P2RY14: variants seen among roughly 807,000 people sequenced by gnomAD.
The protein encoded by P2RY14 is P2Y purinoceptor 14.
A neutral mutation model predicts 0.9 loss-of-function variants in P2RY14; 2 were observed. The ratio of observed to expected loss-of-function variants is 2.16; its 90% CI spans 0.88 to 6.79. P2RY14 has a LOEUF of 6.79. P2RY14 is among the 30% of genes most tolerant of loss of function. The probability of loss-of-function intolerance (pLI) is 0.05; values close to 1 mark genes in which losing one functional copy is unlikely to be tolerated. For synonymous variants in P2RY14, 158 were observed against 147.2 expected, an observed-to-expected ratio of 1.07 and a Z score of -0.53; for missense variants, 378 against 400.1, an observed-to-expected ratio of 0.94 and a Z score of 0.47.
At position 151,259,985 on chromosome 3, in the gene P2RY14, A is replaced by G. The variant is rs142849675; in HGVS notation, c.-133+18302T>C. Reference sequence around the variant, plus strand: ...GGTAAATATTTTCTTCATGTGATACATAAAAGATTGGTAGGCATTGTGAAG... The same window carrying G: ...GGTAAATATTTTCTTCATGTGATACGTAAAAGATTGGTAGGCATTGTGAAG... On this transcript the variant is annotated intron_variant, in intron 1 of 2. Coordinates refer to ENST00000309170, the MANE Select transcript of P2RY14 (RefSeq NM_014879.4). Among the ~76,000 whole-genome samples, 24 of 152,338 alleles carry G rather than the reference A, an allele frequency of 1.6e-4. No homozygotes were observed. The South Asian group carries it at 1.7e-3, about 11-fold the overall frequency.
chr3:151,235,950 T>G (rs191586953), intron 1 of P2RY14, among the ~76,000 whole-genome samples: 2 of 152,170 alleles, frequency 1.3e-5, no homozygotes, highest in Non-Finnish European at 2.9e-5. Flanking sequence ...GTTTAAAATA[T>G]TAGGTTGGTG....
At chr3:151,229,087 G>A (rs2904431) in intron 1 of P2RY14, among the ~76,000 whole-genome samples, 131,337 of 152,194 alleles carry the variant, frequency 0.86, 56,924 homozygotes, top group African/African-American at 0.95. Context: ...AACCACTTGT[G>A]TGTTTGTTCA....
intron 1 of P2RY14, among the ~76,000 whole-genome samples, chr3:151,265,116 C>T (rs796673616): frequency 1.2e-4 from 18 of 152,296 alleles, no homozygotes; most frequent in African/African-American, 4.3e-4. Context: ...AGTGCAGAAC[C>T]ACTTGTTATG....
chr3:151,241,443 C>T (rs780809565), intron 1 of P2RY14, among the ~76,000 whole-genome samples: 13 of 152,090 alleles, frequency 8.5e-5, no homozygotes, highest in African/African-American at 1.9e-4. Context: ...TGATCCCTAG[C>T]GACTTATTAA....
At chr3:151,236,293 T>G (rs1732776635) in intron 1 of P2RY14, among the ~76,000 whole-genome samples, 1 of 152,224 alleles carries the variant, frequency 6.6e-6, no homozygotes, top group African/African-American at 2.4e-5. Context: ...AAATGTACTT[T>G]TATATTTTGA....
At chr3:151,252,806 C>G (rs144977788) in intron 1 of P2RY14, among the ~76,000 whole-genome samples, 1 of 152,024 alleles carries the variant, frequency 6.6e-6, no homozygotes, top group African/African-American at 2.4e-5. Context: ...TAGAACTTAT[C>G]TAGAAAACCT....
chr3:151,245,596 A>G (rs369955970), intron 1 of P2RY14, among the ~76,000 whole-genome samples: 1,614 of 150,244 alleles, frequency 0.011, 15 homozygotes, highest in Non-Finnish European at 0.018. Flanking sequence ...CTCTCAATAA[A>G]TTAGGTATTG....
intron 2 of P2RY14, among the ~76,000 whole-genome samples, chr3:151,215,980 A>G (rs114735890): frequency 0.016 from 2,363 of 152,226 alleles, 18 homozygotes; most frequent in South Asian, 0.035. Context: ...GCCTCAGCTT[A>G]GCTGTCACTT....
chr3:151,259,517 A>G (rs1738471532), intron 1 of P2RY14, among the ~76,000 whole-genome samples: 1 of 152,236 alleles, frequency 6.6e-6, no homozygotes, highest in East Asian at 1.9e-4. Flanking sequence ...TGTCTCAGGC[A>G]AACTGGGGTA....
intron 1 of P2RY14, among the ~76,000 whole-genome samples, chr3:151,262,387 T>A (rs750765286): frequency 1.6e-4 from 24 of 152,198 alleles, no homozygotes; most frequent in Non-Finnish European, 3.1e-4. Context: ...CACACTGAGA[T>A]ATCTCCAGAC....
chr3:151,255,693 A>G (rs1737688043), intron 1 of P2RY14, among the ~76,000 whole-genome samples: 1 of 152,224 alleles, frequency 6.6e-6, no homozygotes. Context: ...CAAATGAAGA[A>G]AAAATACAGC....
intron 1 of P2RY14, among the ~76,000 whole-genome samples, chr3:151,254,260 C>T (rs915976083): frequency 1.3e-5 from 2 of 152,144 alleles, no homozygotes; most frequent in Non-Finnish European, 2.9e-5. Flanking sequence ...TCACTGTGCA[C>T]GTTTCCCTTT....
intron 1 of P2RY14, among the ~76,000 whole-genome samples, chr3:151,237,158 C>T (rs1406190269): frequency 4.0e-5 from 6 of 151,032 alleles, no homozygotes; most frequent in Non-Finnish European, 7.4e-5. Context: ...TCTGCCTCAG[C>T]CTCCATAGTA....
intron 1 of P2RY14, among the ~76,000 whole-genome samples, chr3:151,265,460 T>G (rs1040758635): frequency 1.3e-5 from 2 of 152,228 alleles, no homozygotes; most frequent in Admixed American, 1.3e-4. Context: ...ATTTGTGTCT[T>G]ACACCATGAG....
chr3:151,262,083 C>T (rs1020931598), intron 1 of P2RY14, among the ~76,000 whole-genome samples: 1 of 152,092 alleles, frequency 6.6e-6, no homozygotes, highest in South Asian at 2.1e-4. Context: ...GTTAAAACTA[C>T]TATTTTTTAA....
intron 1 of P2RY14, among the ~76,000 whole-genome samples, chr3:151,229,347 G>T (rs1165335484): frequency 1.6e-5 from 2 of 121,546 alleles, no homozygotes; most frequent in African/African-American, 6.4e-5. Context: ...TTGCTCTGTT[G>T]CTCAGGCTGG....
chr3:151,261,435 A>G (rs1428149461), intron 1 of P2RY14: 1 of 152,116 alleles, frequency 6.6e-6, no homozygotes, highest in Non-Finnish European at 1.5e-5. Context: ...TTGCTAGGTA[A>G]TTCCTGGGTA....
chr3:151,214,705 T>A (rs1406969223), intron 2 of P2RY14, among the ~76,000 whole-genome samples: 4 of 151,990 alleles, frequency 2.6e-5, no homozygotes, highest in Non-Finnish European at 5.9e-5. Flanking sequence ...AGCAGGGCAG[T>A]CTCTGAGAAC....
chr3:151,256,317 T>C (rs904303698), intron 1 of P2RY14, among the ~76,000 whole-genome samples: 2 of 152,208 alleles, frequency 1.3e-5, no homozygotes, highest in Non-Finnish European at 2.9e-5. Context: ...GGAGTGCTTC[T>C]CGGAGCTTTA....
Sources: gnomAD v4.1 joint callset for allele counts (sites outside exome capture counted in the v4.1 genomes callset) on GRCh38, gnomAD v4.1.1 for gene constraint, MANE v1.5 for transcripts, NCBI Gene and HGNC (gene_info 2026-07-23, HGNC 2026-07-21) for gene names.